DRC1: variants seen among roughly 807,000 people sequenced by gnomAD.
DRC1 encodes dynein regulatory complex protein 1.
DRC1 carries 74 observed loss-of-function variants against 98.7 expected under a neutral mutation model. The observed-to-expected ratio is 0.75, with a 90% CI of 0.62 to 0.91. The LOEUF (loss-of-function observed/expected upper bound fraction) is 0.91, where lower values mean the gene tolerates loss of function less well. Among genes scored for constraint, DRC1 ranks in the 40% least tolerant of loss-of-function variants. The probability of loss-of-function intolerance (pLI) is 0.00; values close to 1 mark genes in which losing one functional copy is unlikely to be tolerated. For missense variants in DRC1, 875 were observed against 886.0 expected (o/e 0.99, Z 0.16); for synonymous variants, 336 against 334.1 (o/e 1.01, Z -0.06).
chr2:26,420,766 C>CT (rs749876428), intron 2 of DRC1, among the ~76,000 whole-genome samples: 4,608 of 68,888 alleles, frequency 0.067, 80 homozygotes, highest in Non-Finnish European at 0.12. Context: ...TTTTCTTCTT[C>CT]TTTTTTTTTT....
At chr2:26,415,157 A>G (rs1275598747) in intron 2 of DRC1, among the ~76,000 whole-genome samples, 1 of 152,202 alleles carries the variant, frequency 6.6e-6, no homozygotes, top group African/African-American at 2.4e-5. Context: ...TAGACACAAA[A>G]AAGAAAATCA....
intron 7 of DRC1, among the ~76,000 whole-genome samples, chr2:26,433,149 G>A (rs1016224235): frequency 2.2e-4 from 34 of 152,144 alleles, no homozygotes; most frequent in Admixed American, 2.2e-3. Context: ...GGTTATTTCT[G>A]GTTTCTAAAG....
intron 1 of DRC1, among the ~76,000 whole-genome samples, chr2:26,405,386 A>G (rs1401721723): frequency 6.6e-6 from 1 of 152,206 alleles, no homozygotes; most frequent in African/African-American, 2.4e-5. Context: ...GGAAGCTTAT[A>G]TTCTAATGAG....
At chr2:26,443,091 T>C (rs535745165) in intron 8 of DRC1, among the ~76,000 whole-genome samples, 119 of 152,314 alleles carry the variant, frequency 7.8e-4, no homozygotes, top group Non-Finnish European at 1.3e-3. Context: ...AGGTAACGAC[T>C]TTTTTTGCAT....
At position 26,456,584 on chromosome 2, in the gene DRC1, A is replaced by T. The variant is rs910995869; in HGVS notation, c.*67A>T. On this transcript the variant is annotated 3_prime_UTR_variant, in exon 17 of 17. Transcript: ENST00000288710. ...CTGGTGTCTGTGCCGGAGCCAGCTC[A>T]TATCACCCACTGGGCCGCACCTGGG... The T allele has an allele frequency of 1.3e-6, 2 of 1,595,346 alleles. No homozygotes were observed. The highest frequency in any genetic ancestry group is 1.3e-5 in the African/African-American group (1 of 74,692).
At chr2:26,425,590 C>T (rs1015940440) in intron 4 of DRC1, among the ~76,000 whole-genome samples, 1 of 152,140 alleles carries the variant, frequency 6.6e-6, no homozygotes, top group Non-Finnish European at 1.5e-5. Context: ...CACTTACATC[C>T]TGTTTTTTTG....
intron 7 of DRC1, among the ~76,000 whole-genome samples, chr2:26,439,965 A>G (rs1663674809): frequency 7.2e-6 from 1 of 139,122 alleles, no homozygotes. Flanking sequence ...ACACACACAT[A>G]TATATATACA....
chr2:26,451,078 T>A (rs1663994890), intron 13 of DRC1, among the ~76,000 whole-genome samples: 1 of 152,238 alleles, frequency 6.6e-6, no homozygotes, highest in Non-Finnish European at 1.5e-5. Context: ...CAGAGCACAG[T>A]GCTGTCTTTG....
chr2:26,450,070 G>A lies in DRC1; in HGVS notation c.1584G>A (p.Leu528=). ...LEQNECYLLR[L]DAIFSALGIE... ...AGAATGAATGCTATCTGCTGAGGCTGGATGCCATCTTCTCCGTGAGTCCAA... is the reference window on the plus strand; with the variant it reads ...AGAATGAATGCTATCTGCTGAGGCTAGATGCCATCTTCTCCGTGAGTCCAA... Residue 528 remains leucine (L), a synonymous_variant, in exon 12 of 17, where the codon CTG becomes CTA. Transcript: ENST00000288710. 1 of 1,613,374 alleles carries A rather than the reference G, an allele frequency of 6.2e-7. No homozygotes were observed. The highest frequency in any genetic ancestry group is 8.5e-7 in the Non-Finnish European group (1 of 1,179,824).
chr2:26,441,840 C>G (rs1046279086), intron 8 of DRC1, among the ~76,000 whole-genome samples: 5 of 151,968 alleles, frequency 3.3e-5, no homozygotes, highest in Non-Finnish European at 7.3e-5. Flanking sequence ...CCTGAAAAAC[C>G]CTTCAACGGA....
rs909392349 is a variant in DRC1, at chr2:26,444,149, A to G, written c.1029-73A>G. ...GCTCCTGGGTTTGTGGTAGAGCTGA[A>G]TCAGGTGGATGAGAGGAACATACAT... is the stretch of plus-strand genomic sequence containing the variant. On this transcript the variant is annotated intron_variant, in intron 8 of 16. Coordinates refer to ENST00000288710, the MANE Select transcript of DRC1 (RefSeq NM_145038.5). The G allele has an allele frequency of 1.4e-5, 23 of 1,600,050 alleles. No individual in the cohort carries two copies. In the East Asian group the frequency reaches 4.9e-4, roughly 34 times the overall value.
chr2:26,433,815 C>A (rs1663499213), intron 7 of DRC1, among the ~76,000 whole-genome samples: 1 of 152,004 alleles, frequency 6.6e-6, no homozygotes, highest in African/African-American at 2.4e-5. Flanking sequence ...GGCATGTGTG[C>A]AGATGGAGAC....
intron 2 of DRC1, among the ~76,000 whole-genome samples, chr2:26,417,242 C>T (rs143595947): frequency 2.8e-4 from 43 of 152,302 alleles, no homozygotes; most frequent in African/African-American, 9.9e-4. Context: ...GTTTTAATTA[C>T]TGTAGCTTTA....
intron 1 of DRC1, among the ~76,000 whole-genome samples, chr2:26,412,573 C>T (rs1422304226): frequency 6.6e-6 from 1 of 152,044 alleles, no homozygotes; most frequent in Admixed American, 6.5e-5. Context: ...AACTTTATCT[C>T]GCCACCGCCC....
At chr2:26,429,546 G>A in intron 4 of DRC1, 82 bp from the exon 5 acceptor site, 1 of 1,537,682 alleles carries the variant, frequency 6.5e-7, no homozygotes. Flanking sequence ...ACAGATTCTG[G>A]TGAGAGGAGT....
chr2:26,409,481 C>G (rs1228953915), intron 1 of DRC1, among the ~76,000 whole-genome samples: 1 of 152,016 alleles, frequency 6.6e-6, no homozygotes, highest in African/African-American at 2.4e-5. Context: ...TTAACAACAA[C>G]TAGGTAGCTA....
chr2:26,424,683 G>A (rs1194695969), intron 4 of DRC1, among the ~76,000 whole-genome samples: 1 of 152,180 alleles, frequency 6.6e-6, no homozygotes, highest in African/African-American at 2.4e-5. Context: ...TGGATGAGGT[G>A]GTTCACTCCC....
intron 2 of DRC1, among the ~76,000 whole-genome samples, chr2:26,418,791 C>G: frequency 8.2e-6 from 1 of 122,068 alleles, no homozygotes; most frequent in African/African-American, 3.2e-5. Context: ...TATATTTATA[C>G]ATATATACAT....
intron 1 of DRC1, among the ~76,000 whole-genome samples, chr2:26,410,822 A>AAACAC (rs1470211947): frequency 8.7e-4 from 126 of 144,052 alleles, no homozygotes; most frequent in African/African-American, 3.5e-3. Context: ...AAACAAAACA[A>AAACAC]AACACAACAA....
Sources: allele counts gnomAD v4.1 joint callset (sites outside exome capture counted in the v4.1 genomes callset), GRCh38; gene constraint gnomAD v4.1.1; transcripts MANE v1.5; gene names NCBI Gene and HGNC (gene_info 2026-07-23, HGNC 2026-07-21).